Variants in PAMR1 observed in about 807,000 individuals in gnomAD.
The protein encoded by PAMR1 is inactive serine protease PAMR1.
PAMR1 carries 88 observed loss-of-function variants against 81.8 expected under a neutral mutation model. The ratio of observed to expected loss-of-function variants is 1.08; its 90% confidence interval spans 0.91 to 1.28. The LOEUF is 1.28. Among genes scored for constraint, PAMR1 ranks in the 50% most tolerant of loss-of-function variants. PAMR1 has a pLI of 0.00. For missense variants in PAMR1, 935 were observed against 919.7 expected, an observed-to-expected ratio of 1.02 and a Z score of -0.21; for synonymous variants, 336 against 345.3, an observed-to-expected ratio of 0.97 and a Z score of 0.30.
intron 3 of PAMR1, among the ~76,000 whole-genome samples, chr11:35,479,115 G>C (rs113438871): frequency 2.2e-4 from 33 of 152,346 alleles, no homozygotes; most frequent in African/African-American, 7.5e-4. Flanking sequence ...TGGTGCAGGG[G>C]AGGGGATTGT....
rs561152640 is a variant in PAMR1, at chr11:35,466,051, T to C, written c.820+1950A>G. Reference sequence around the variant, plus strand: ...AAGACATTTTGGCTTTATCTGGTGATGTTTTACTTCTTTCCAATTCTATTT... The same window carrying C: ...AAGACATTTTGGCTTTATCTGGTGACGTTTTACTTCTTTCCAATTCTATTT... On this transcript the variant is annotated intron_variant, in intron 6 of 10. Coordinates refer to ENST00000619888, the MANE Select transcript of PAMR1 (RefSeq NM_001001991.3). 2.8e-4 allele frequency among the ~76,000 whole-genome samples: 42 copies of C among 152,032 alleles called. 2 individuals carry two copies. The South Asian group carries it at 6.4e-3, about 23-fold the overall frequency.
chr11:35,469,281 G>A (rs1195527770), intron 5 of PAMR1, among the ~76,000 whole-genome samples: 1 of 152,200 alleles, frequency 6.6e-6, no homozygotes, highest in Non-Finnish European at 1.5e-5. Context: ...TGACGGCATT[G>A]ATAAAACACA....
At chr11:35,436,976 G>A (rs906328620) in intron 8 of PAMR1, among the ~76,000 whole-genome samples, 2 of 152,166 alleles carry the variant, frequency 1.3e-5, no homozygotes, top group African/African-American at 4.8e-5. Context: ...AAACTAAACT[G>A]TGTTGATACA....
At chr11:35,484,963 C>A (rs1416145553) in intron 3 of PAMR1, among the ~76,000 whole-genome samples, 1 of 152,184 alleles carries the variant, frequency 6.6e-6, no homozygotes, top group East Asian at 1.9e-4. Flanking sequence ...TTTAAGAAAC[C>A]CTAAGAGGAA....
rs1370370294 is a variant in PAMR1 at position 35,432,665 on chromosome 11, G to C, written c.1854C>G (p.Arg618=). 6.2e-7 allele frequency: 1 copy of C among 1,613,670 alleles called. No homozygotes were observed. Among genetic ancestry groups the C allele is most frequent in the East Asian group, 2.2e-5 (1 of 44,874 alleles). The part of the protein sequence containing the change: ...RSPGFKNDTL[R]SGVVSVVDSL... ...AGTCCACCACACTGACCACCCCAGA[G>C]CGCAGTGTGTCGTTCTTGAAGCCAG... Residue 618 remains arginine, a synonymous_variant, in exon 11 of 11, where the codon CGC becomes CGG. Coordinates refer to ENST00000619888, the MANE Select transcript of PAMR1 (RefSeq NM_001001991.3).
At chr11:35,522,921 G>A (rs1368647702) in intron 1 of PAMR1, among the ~76,000 whole-genome samples, 1 of 152,190 alleles carries the variant, frequency 6.6e-6, no homozygotes, top group African/African-American at 2.4e-5. Context: ...TTCACTAAAT[G>A]TTTGCTTGAT....
At chr11:35,449,252 A>G (rs1243434535) in intron 6 of PAMR1, among the ~76,000 whole-genome samples, 2 of 151,094 alleles carry the variant, frequency 1.3e-5, no homozygotes, top group Non-Finnish European at 3.0e-5. Flanking sequence ...AAGTGTGTTG[A>G]ACAGGAGATC....
chr11:35,496,592 A>G (rs1850730122), intron 1 of PAMR1, among the ~76,000 whole-genome samples: 1 of 152,236 alleles, frequency 6.6e-6, no homozygotes, highest in Admixed American at 6.5e-5. Context: ...CTATGATCCA[A>G]ACCAAGGGAA....
intron 5 of PAMR1, among the ~76,000 whole-genome samples, chr11:35,469,252 A>T (rs1382319540): frequency 6.6e-6 from 1 of 152,208 alleles, no homozygotes; most frequent in African/African-American, 2.4e-5. Context: ...ATGTTTGAAA[A>T]ATGGGAAGTG....
At chr11:35,493,845 A>C (rs536342349) in intron 2 of PAMR1, among the ~76,000 whole-genome samples, 1 of 152,352 alleles carries the variant, frequency 6.6e-6, no homozygotes, top group South Asian at 2.1e-4. Flanking sequence ...ATGGTACATA[A>C]AGCTGCTCAG....
At chr11:35,491,388 A>G (rs147959775) in intron 3 of PAMR1, among the ~76,000 whole-genome samples, 29 of 152,354 alleles carry the variant, frequency 1.9e-4, no homozygotes, top group African/African-American at 6.7e-4. Flanking sequence ...TCAAGTTGGA[A>G]GCATATGGAA....
In PAMR1 at chr11:35,436,020, G is replaced by C. The variant is rs779920293; in HGVS notation, c.1216C>G (p.Leu406Val). The C allele has an allele frequency of 3.1e-6, 5 of 1,614,110 alleles. No individual in the cohort carries two copies. In the Admixed American group the frequency reaches 8.3e-5, roughly 27 times the overall value. The stretch of plus-strand genomic sequence containing the variant: ...CACTCATACTGGAGCTGGGTATGCA[G>C]ATGTTGGTATCCCATGGGCAGATCT... ...FGDLPMGYQHLHTQLQYECIS... is the reference protein window; with the variant it reads ...FGDLPMGYQHVHTQLQYECIS... Residue 406 changes from leucine (L) to valine (V), a missense_variant, in exon 9 of 11, where the codon CTG becomes GTG. Physicochemically the swap from Leu to Val is conservative, Grantham distance 32. Coordinates refer to ENST00000619888, the MANE Select transcript of PAMR1 (RefSeq NM_001001991.3).
chr11:35,502,722 T>C (rs571725379), intron 1 of PAMR1, among the ~76,000 whole-genome samples: 1 of 152,328 alleles, frequency 6.6e-6, no homozygotes, highest in East Asian at 1.9e-4. Context: ...TAGCACATTG[T>C]ATCTTCTGCT....
chr11:35,502,660 T>C (rs773929340), intron 1 of PAMR1, among the ~76,000 whole-genome samples: 3 of 152,222 alleles, frequency 2.0e-5, no homozygotes. Context: ...CAGTCTCTCA[T>C]TGATGGTTTT....
chr11:35,499,934 C>T (rs1337746830), intron 1 of PAMR1, among the ~76,000 whole-genome samples: 1 of 152,130 alleles, frequency 6.6e-6, no homozygotes, highest in Non-Finnish European at 1.5e-5. Context: ...AAGAGGGAGG[C>T]AGGATGGTCA....
intron 4 of PAMR1, among the ~76,000 whole-genome samples, chr11:35,473,962 G>A (rs1236308024): frequency 6.6e-6 from 1 of 152,206 alleles, no homozygotes; most frequent in Non-Finnish European, 1.5e-5. Flanking sequence ...ATTTATTCAT[G>A]CAACAAGCAT....
chr11:35,491,092 T>C (rs1850616068), intron 3 of PAMR1, among the ~76,000 whole-genome samples: 1 of 152,182 alleles, frequency 6.6e-6, no homozygotes. Context: ...AAGTTTTAAA[T>C]CAGCAACGAA....
chr11:35,485,955 A>C (rs893568884), intron 3 of PAMR1, among the ~76,000 whole-genome samples: 3 of 152,252 alleles, frequency 2.0e-5, no homozygotes, highest in Non-Finnish European at 4.4e-5. Flanking sequence ...GGCGACCCTT[A>C]ACGTAGGCAG....
At chr11:35,468,437 G>T (rs1281817731) in intron 5 of PAMR1, among the ~76,000 whole-genome samples, 1 of 152,228 alleles carries the variant, frequency 6.6e-6, no homozygotes, top group African/African-American at 2.4e-5. Flanking sequence ...AGGGGTTTCA[G>T]CGGACAGAGA....
Sources: allele counts gnomAD v4.1 joint callset (sites outside exome capture counted in the v4.1 genomes callset), GRCh38; gene constraint gnomAD v4.1.1; transcripts MANE v1.5; gene names NCBI Gene and HGNC (gene_info 2026-07-23, HGNC 2026-07-21).